Variants in CDIN1 observed in about 807,000 individuals in gnomAD.
CDIN1 encodes the protein CDAN1 interacting nuclease 1.
CDIN1 carries 33 observed loss-of-function variants against 45.3 expected under a neutral mutation model. The observed-to-expected ratio is 0.73, with a 90% CI of 0.55 to 0.97. The LOEUF is 0.97. Ranked by LOEUF, CDIN1 falls within the 50% of genes least tolerant of loss-of-function variation. The pLI, the probability that CDIN1 is intolerant of heterozygous loss-of-function variation, is 0.00. For synonymous variants in CDIN1, 118 were observed against 124.4 expected (o/e 0.95, Z 0.34); for missense variants, 303 against 339.4 (o/e 0.89, Z 0.84).
At chr15:36,723,683 G>A (rs1205580418) in intron 10 of CDIN1, among the ~76,000 whole-genome samples, 1 of 152,186 alleles carries the variant, frequency 6.6e-6, no homozygotes, top group Non-Finnish European at 1.5e-5. Flanking sequence ...TCCCACCTCT[G>A]TCTCCCAAAG....
chr15:36,764,032 T>C (rs2053845784), intron 10 of CDIN1, among the ~76,000 whole-genome samples: 1 of 152,156 alleles, frequency 6.6e-6, no homozygotes, highest in African/African-American at 2.4e-5. Flanking sequence ...CTATTCAGAC[T>C]TCAAACAAAA....
chr15:36,723,285 C>G (rs1316925661), intron 10 of CDIN1, among the ~76,000 whole-genome samples: 1 of 151,924 alleles, frequency 6.6e-6, no homozygotes, highest in African/African-American at 2.4e-5. Context: ...AAGTTAAAAA[C>G]TAAAGCCAAT....
At chr15:36,796,045 A>G (rs915120052) in intron 10 of CDIN1, among the ~76,000 whole-genome samples, 3 of 152,108 alleles carry the variant, frequency 2.0e-5, no homozygotes, top group Non-Finnish European at 2.9e-5. Flanking sequence ...ATGACCTTGT[A>G]TTGCCTTTGG....
chr15:36,685,096 T>C (rs2041993521), intron 5 of CDIN1, among the ~76,000 whole-genome samples: 1 of 151,014 alleles, frequency 6.6e-6, no homozygotes, highest in South Asian at 2.1e-4. Context: ...CTGCTCTGAT[T>C]TTAGTTATTT....
intron 10 of CDIN1, among the ~76,000 whole-genome samples, chr15:36,788,122 T>A (rs1256368174): frequency 1.1e-4 from 15 of 134,386 alleles, no homozygotes; most frequent in Non-Finnish European, 1.6e-5. Context: ...TTTTTTTTTT[T>A]TTTTTTTTTT....
intron 3 of CDIN1, chr15:36,648,472 C>T (rs935408998): frequency 4.1e-5 from 5 of 121,522 alleles, no homozygotes; most frequent in South Asian, 2.5e-4. Flanking sequence ...CCCTCTGTCG[C>T]CCAGGCTGGA....
intron 10 of CDIN1, among the ~76,000 whole-genome samples, chr15:36,717,017 G>A (rs1309755243): frequency 1.3e-5 from 2 of 152,174 alleles, no homozygotes; most frequent in African/African-American, 4.8e-5. Context: ...TACGTTGGAA[G>A]AGGCTACTTT....
chr15:36,680,316 A>G (rs146399389), intron 5 of CDIN1, among the ~76,000 whole-genome samples: 1 of 152,314 alleles, frequency 6.6e-6, no homozygotes, highest in African/African-American at 2.4e-5. Flanking sequence ...CTTTTTAAGT[A>G]TAGTTTTATA....
At chr15:36,663,556 G>A (rs1467610059) in intron 5 of CDIN1, among the ~76,000 whole-genome samples, 1 of 151,984 alleles carries the variant, frequency 6.6e-6, no homozygotes, top group Non-Finnish European at 1.5e-5. Flanking sequence ...GGTTTTATAC[G>A]GGCTCTTCCT....
At chr15:36,801,796 A>T (rs552539550) in intron 10 of CDIN1, among the ~76,000 whole-genome samples, 1 of 152,322 alleles carries the variant, frequency 6.6e-6, no homozygotes, top group East Asian at 1.9e-4. Flanking sequence ...TGCTCCCTCA[A>T]AAGTAATTAT....
chr15:36,592,340 A>T (rs2037617045), intron 1 of CDIN1, among the ~76,000 whole-genome samples: 3 of 152,156 alleles, frequency 2.0e-5, no homozygotes, highest in Admixed American at 2.0e-4. Context: ...TACACCACAG[A>T]AATTGGCAAA....
intron 10 of CDIN1, among the ~76,000 whole-genome samples, chr15:36,763,463 C>T (rs1339619312): frequency 1.3e-5 from 2 of 152,144 alleles, no homozygotes; most frequent in Non-Finnish European, 2.9e-5. Flanking sequence ...GCTTTGCTTG[C>T]ACCTCATGGG....
chr15:36,745,029 A>G (rs536704230), intron 10 of CDIN1, among the ~76,000 whole-genome samples: 2 of 152,326 alleles, frequency 1.3e-5, no homozygotes, highest in African/African-American at 4.8e-5. Flanking sequence ...TATTGTCTGT[A>G]TATTTGAGAG....
chr15:36,634,018 C>T (rs1414671654), intron 1 of CDIN1, among the ~76,000 whole-genome samples: 1 of 151,902 alleles, frequency 6.6e-6, no homozygotes, highest in Admixed American at 6.6e-5. Flanking sequence ...TCCCAAAGTG[C>T]TGGGATTACA....
At chr15:36,773,099 TC>T (rs1180415738) in intron 10 of CDIN1, among the ~76,000 whole-genome samples, 3 of 152,092 alleles carry the variant, frequency 2.0e-5, no homozygotes, top group Non-Finnish European at 4.4e-5. Flanking sequence ...GAAAAAAATA[TC>T]CCAGGTGTGC....
At chr15:36,639,883 A>G (rs1003597226) in intron 1 of CDIN1, among the ~76,000 whole-genome samples, 10 of 152,136 alleles carry the variant, frequency 6.6e-5, no homozygotes, top group African/African-American at 2.4e-4. Context: ...ACTAAGCTTA[A>G]TGTTGCCATC....
At chr15:36,614,274 TGACCTTTAACTGAGGGCC>T in intron 1 of CDIN1, 1 of 595,712 alleles carries the variant, frequency 1.7e-6, no homozygotes, top group Non-Finnish European at 3.2e-6. Flanking sequence ...TGCCCGAAGC[TGACCTTTAACTGAGGGCC>T]GATCTTTAAC....
chr15:36,649,749 G>A (rs912117252), intron 3 of CDIN1, among the ~76,000 whole-genome samples: 1 of 152,124 alleles, frequency 6.6e-6, no homozygotes, highest in Non-Finnish European at 1.5e-5. Context: ...AGTTGCCCCG[G>A]ACACCCCGAA....
chr15:36,680,230 G>A (rs968884801), intron 5 of CDIN1, among the ~76,000 whole-genome samples: 1 of 152,158 alleles, frequency 6.6e-6, no homozygotes, highest in Admixed American at 6.5e-5. Context: ...TTAGGTGATT[G>A]CACTCCCCAT....
Sources: allele counts gnomAD v4.1 joint callset (sites outside exome capture counted in the v4.1 genomes callset), GRCh38; gene constraint gnomAD v4.1.1; transcripts MANE v1.5; gene names NCBI Gene and HGNC (gene_info 2026-07-23, HGNC 2026-07-21).